QSOX2: variants seen among roughly 807,000 people sequenced by gnomAD.
QSOX2 encodes the protein quiescin sulfhydryl oxidase 2.
Under a neutral mutation model 61.7 loss-of-function variants are expected in QSOX2, and 46 were observed. The ratio of observed to expected loss-of-function variants is 0.75; its 90% CI spans 0.59 to 0.95. The LOEUF is 0.95. QSOX2 is among the 40% of genes least tolerant of loss of function. The probability of loss-of-function intolerance (pLI) is 0.00; values close to 1 mark genes in which losing one functional copy is unlikely to be tolerated. For missense variants in QSOX2, 879 were observed against 918.9 expected (o/e 0.96, Z 0.56); for synonymous variants, 383 against 388.4 (o/e 0.99, Z 0.16).
At chr9:136,235,015 C>G (rs1484748346) in intron 1 of QSOX2, among the ~76,000 whole-genome samples, 2 of 152,224 alleles carry the variant, frequency 1.3e-5, no homozygotes, top group African/African-American at 4.8e-5. Context: ...CGCTGTTCAA[C>G]TGGTTCCCCC....
At chr9:136,219,759 C>T (rs1486838003) in intron 6 of QSOX2, among the ~76,000 whole-genome samples, 1 of 152,218 alleles carries the variant, frequency 6.6e-6, no homozygotes, top group Non-Finnish European at 1.5e-5. Flanking sequence ...TTTCCAAAGA[C>T]AGAATGTAGC....
rs1830228039 is a variant in QSOX2 at position 136,222,381 on chromosome 9, G to A, written c.676-440C>T. Among the ~76,000 whole-genome samples the A allele has an allele frequency of 6.6e-6, 1 of 152,172 alleles. No homozygotes were observed. The highest frequency in any genetic ancestry group is 1.5e-5 in the Non-Finnish European group (1 of 68,032). ...AGCCACCCTGCTCCTGTCTGGTTCTGCTCAGGCTGAAGGGGCAGCAACAGG... is the reference window on the plus strand; with the variant it reads ...AGCCACCCTGCTCCTGTCTGGTTCTACTCAGGCTGAAGGGGCAGCAACAGG... On this transcript the variant is annotated intron_variant, in intron 5 of 11. Transcript: ENST00000358701. The surrounding 1 kb of genome is among the most constrained non-coding windows in gnomAD (Gnocchi z 6.9).
Position 136,207,075 on chromosome 9 carries a change from C to G in QSOX2, c.*1653G>C, listed in dbSNP as rs1200409797. 2.0e-5 allele frequency: 3 copies of G among 152,338 alleles called. No homozygotes were observed. Among genetic ancestry groups the G allele is most frequent in the Non-Finnish European group, 4.4e-5 (3 of 68,068 alleles). 9.4% of individuals were successfully genotyped at this position (152,338 alleles called of 1,614,324 possible). A position where few individuals can be genotyped will look rare whatever the true frequency, so the allele number is the denominator to read the frequency against. ...AAAGTGTGAAACCAGAAGCAACTCT[C>G]GAGTGAGACACGAAGCAGCAGGCTG... is the stretch of plus-strand genomic sequence containing the variant. On this transcript the variant is annotated 3_prime_UTR_variant, in exon 12 of 12. Transcript: ENST00000358701.
intron 6 of QSOX2, among the ~76,000 whole-genome samples, chr9:136,220,426 C>A (rs1042762042): frequency 1.3e-5 from 2 of 152,266 alleles, no homozygotes; most frequent in African/African-American, 4.8e-5. Context: ...GAACTGGAAG[C>A]CCCAAGAGAC....
chr9:136,229,901 C>T (rs950542656), intron 1 of QSOX2, among the ~76,000 whole-genome samples: 2 of 152,228 alleles, frequency 1.3e-5, no homozygotes, highest in Non-Finnish European at 2.9e-5. Context: ...CAGAGCCCTG[C>T]ACAGCGACCG....
At chr9:136,213,123 G>A (rs1356081841) in intron 10 of QSOX2, among the ~76,000 whole-genome samples, 6 of 151,972 alleles carry the variant, frequency 3.9e-5, no homozygotes, top group African/African-American at 9.7e-5. Context: ...GCGTGTGCCC[G>A]TGTGATCAGA....
intron 6 of QSOX2, among the ~76,000 whole-genome samples, 164 bp from the exon 7 acceptor site, chr9:136,219,328 C>A (rs914419512): frequency 2.4e-4 from 36 of 152,212 alleles, no homozygotes; most frequent in Non-Finnish European, 2.9e-4. Flanking sequence ...TGGGCTCCGG[C>A]TGCGCTTCCA....
intron 1 of QSOX2, among the ~76,000 whole-genome samples, chr9:136,232,648 G>GT (rs1437616669): frequency 1.1e-4 from 16 of 152,104 alleles, no homozygotes; most frequent in African/African-American, 3.9e-4. Flanking sequence ...AGGATACAGC[G>GT]TAAGTCGGGG....
At chr9:136,215,006 T>G in intron 10 of QSOX2, 148 bp downstream of exon 10, 1 of 931,098 alleles carries the variant, frequency 1.1e-6, no homozygotes, top group East Asian at 2.8e-5. Flanking sequence ...GCTGACCGTG[T>G]GAGAGGAGTC....
At chr9:136,212,690 C>CGTA (rs1315066314) in intron 10 of QSOX2, among the ~76,000 whole-genome samples, 4 of 152,234 alleles carry the variant, frequency 2.6e-5, no homozygotes, top group Non-Finnish European at 5.9e-5. Flanking sequence ...TGCATCTCCA[C>CGTA]GTAATCCCCC....
chr9:136,210,143 A>G (rs1207237621), intron 11 of QSOX2: 1 of 985,376 alleles, frequency 1.0e-6, no homozygotes, highest in Non-Finnish European at 1.2e-6. Flanking sequence ...CAGAGGGGAC[A>G]AGCACAGACC....
chr9:136,235,248 A>T (rs1389684715), intron 1 of QSOX2, among the ~76,000 whole-genome samples: 1 of 152,060 alleles, frequency 6.6e-6, no homozygotes, highest in Non-Finnish European at 1.5e-5. Context: ...GGCACAGCAC[A>T]CCCCCCGGAG....
At chr9:136,232,124 T>C (rs1386402963) in intron 1 of QSOX2, among the ~76,000 whole-genome samples, 1 of 152,166 alleles carries the variant, frequency 6.6e-6, no homozygotes. Context: ...ACCAGTTTTT[T>C]TTCTCTCATC....
intron 1 of QSOX2, among the ~76,000 whole-genome samples, chr9:136,245,051 T>A (rs1013358005): frequency 6.6e-6 from 1 of 151,998 alleles, no homozygotes; most frequent in Non-Finnish European, 1.5e-5. Context: ...TTCTGGGCAC[T>A]GGGGATGGGG....
In QSOX2 at chr9:136,215,154, C is replaced by T; in HGVS notation, c.1360G>A (p.Gly454Ser). The change falls in exon 10 of 12, where the codon GGC (glycine) becomes AGC (serine). Residue 454 changes from glycine (G) to serine (S), a missense_variant and splice_region_variant. Coordinates refer to ENST00000358701, the MANE Select transcript of QSOX2 (RefSeq NM_181701.4). ...TCTGGCCTGTATGGGCACAGCTTAC[C>T]TGTGCCAACCAGTGCATCTGGGTGG... The part of the protein sequence containing the change: ...STHPDALVGT[G>S]FEDDPQAVLQ... 1.9e-6 allele frequency: 3 copies of T among 1,613,234 alleles called. No homozygotes were observed. The highest frequency in any genetic ancestry group is 2.5e-6 in the Non-Finnish European group (3 of 1,179,766).
intron 1 of QSOX2, among the ~76,000 whole-genome samples, chr9:136,235,464 C>A (rs1830372839): frequency 1.3e-5 from 2 of 152,238 alleles, no homozygotes; most frequent in Non-Finnish European, 2.9e-5. Context: ...CACCTGGAGT[C>A]AGGGACACCG....
intron 2 of QSOX2, among the ~76,000 whole-genome samples, 167 bp downstream of exon 2, chr9:136,226,607 C>A (rs1045892681): frequency 6.6e-6 from 1 of 152,178 alleles, no homozygotes; most frequent in Non-Finnish European, 1.5e-5. Context: ...CCCCACCAAA[C>A]ATCAGCTCCT....
chr9:136,212,672 A>C (rs932097176), intron 10 of QSOX2, among the ~76,000 whole-genome samples: 11 of 152,240 alleles, frequency 7.2e-5, no homozygotes, highest in African/African-American at 2.7e-4. Context: ...CTCCACAGAC[A>C]TCTGCCTTGC....
In QSOX2 at chr9:136,221,154, G is replaced by A. The variant is rs926911160; in HGVS notation, c.821+642C>T. ...GCACACAGGCACTCCACGCAGGGGCGAAGGGCTTATCCTCATGAGGGGCAC... is the reference window on the plus strand; with the variant it reads ...GCACACAGGCACTCCACGCAGGGGCAAAGGGCTTATCCTCATGAGGGGCAC... On this transcript the variant is annotated intron_variant, in intron 6 of 11. Transcript: ENST00000358701. This position sits in a 1 kb window ranked among gnomAD's most constrained non-coding sequence, Gnocchi z 4.5. 1.8e-4 allele frequency among the ~76,000 whole-genome samples: 25 copies of A among 140,900 alleles called. No individual in the cohort carries two copies. The highest frequency in any genetic ancestry group is 3.2e-4 in the Non-Finnish European group (21 of 64,834). 92.4% of individuals were successfully genotyped at this position (140,900 alleles called of 152,430 possible). A position where few individuals can be genotyped will look rare whatever the true frequency, so the allele number is the denominator to read the frequency against.
Sources: allele counts gnomAD v4.1 joint callset (sites outside exome capture counted in the v4.1 genomes callset), GRCh38; gene constraint gnomAD v4.1.1; non-coding constraint Gnocchi (gnomAD v3.1); transcripts MANE v1.5; gene names NCBI Gene and HGNC (gene_info 2026-07-23, HGNC 2026-07-21).